Variants in PITPNA observed in about 807,000 individuals in gnomAD.
PITPNA encodes phosphatidylinositol transfer protein alpha isoform.
Under a neutral mutation model 50.3 loss-of-function variants are expected in PITPNA, and 13 were observed. The observed-to-expected ratio is 0.26, with a 90% confidence interval of 0.17 to 0.41. The LOEUF (loss-of-function observed/expected upper bound fraction) is 0.41, where lower values mean the gene tolerates loss of function less well. PITPNA is among the 10% of genes least tolerant of loss of function. The pLI is 1.00. For synonymous variants in PITPNA, 120 were observed against 119.6 expected (o/e 1.00, Z -0.02); for missense variants, 207 against 333.4 (o/e 0.62, Z 2.95).
intron 11 of PITPNA, 139 bp downstream of exon 11, chr17:1,521,440 G>A (rs1010140050): frequency 1.5e-6 from 1 of 664,550 alleles, no homozygotes. Flanking sequence ...TGGAAGTGGA[G>A]AGCTATCGAG....
At chr17:1,541,924 G>A (rs1221577684) in intron 5 of PITPNA, among the ~76,000 whole-genome samples, 1 of 152,126 alleles carries the variant, frequency 6.6e-6, no homozygotes, top group Non-Finnish European at 1.5e-5. Flanking sequence ...ATCGGGCCAG[G>A]CATGGTGGCT....
At chr17:1,558,895 C>CT (rs1486996885) in intron 1 of PITPNA, among the ~76,000 whole-genome samples, 2 of 151,584 alleles carry the variant, frequency 1.3e-5, no homozygotes, top group African/African-American at 4.8e-5. Context: ...CCGCCAGCTA[C>CT]TTCCCAGGCC....
At chr17:1,523,451 C>T (rs1598402104) in intron 10 of PITPNA, among the ~76,000 whole-genome samples, 1 of 151,892 alleles carries the variant, frequency 6.6e-6, no homozygotes, top group Admixed American at 6.6e-5. Context: ...AAGTGATCCT[C>T]CTGCCTCAGC....
intron 6 of PITPNA, among the ~76,000 whole-genome samples, chr17:1,539,234 C>T (rs2075635041): frequency 6.6e-6 from 1 of 151,996 alleles, no homozygotes; most frequent in South Asian, 2.1e-4. Flanking sequence ...ATCCTCCTGC[C>T]TCAGGCTCCT....
At position 1,531,397 on chromosome 17, in the gene PITPNA, G is replaced by T. The variant is rs557760553; in HGVS notation, c.768+2702C>A. On this transcript the variant is annotated intron_variant, in intron 10 of 11. Coordinates refer to ENST00000313486, the MANE Select transcript of PITPNA (RefSeq NM_006224.4). ...CCCCCACTGTAACTACCGAGTACAA[G>T]CGGGCGCCTGTAGTCCCAGCTACTG... is the stretch of plus-strand genomic sequence containing the variant. 3.3e-5 allele frequency among the ~76,000 whole-genome samples: 5 copies of T among 152,272 alleles called. No homozygotes were observed. In the South Asian group the frequency reaches 1.0e-3, roughly 32 times the overall value.
intron 6 of PITPNA, among the ~76,000 whole-genome samples, 184 bp from the exon 7 acceptor site, chr17:1,539,136 G>C (rs2075634402): frequency 1.3e-5 from 2 of 151,734 alleles, no homozygotes; most frequent in South Asian, 4.1e-4. Flanking sequence ...TTTTTTTTAA[G>C]AGATGGGGTC....
rs192557246 is a variant in PITPNA, at chr17:1,541,925, C to T, written c.298-285G>A. On this transcript the variant is annotated intron_variant, in intron 5 of 11. Transcript: ENST00000313486. Reference sequence around the variant, plus strand: ...CCAAAGTCACAGAGATCGGGCCAGGCATGGTGGCTCACGCCTGTCATCTCA... The same window carrying T: ...CCAAAGTCACAGAGATCGGGCCAGGTATGGTGGCTCACGCCTGTCATCTCA... Among the ~76,000 whole-genome samples the T allele has an allele frequency of 7.7e-4, 117 of 152,192 alleles. 2 individuals carry two copies. The highest frequency in any genetic ancestry group is 6.3e-3 in the Admixed American group (97 of 15,276).
chr17:1,522,071 C>CTTTTTTTTTTT (rs1555530261), intron 10 of PITPNA, among the ~76,000 whole-genome samples: 1,836 of 141,266 alleles, frequency 0.013, 98 homozygotes, highest in African/African-American at 0.047. Context: ...TATGAAACAT[C>CTTTTTTTTTTT]TTTTTTTTTT....
chr17:1,535,573 T>C lies in PITPNA; in HGVS notation c.457-55A>G, dbSNP rs570569372. The C allele has an allele frequency of 8.5e-5, 90 of 1,060,256 alleles. No homozygotes were observed. In the South Asian group the frequency reaches 1.0e-3, roughly 12 times the overall value. The allele number at this position is 1,060,256 out of a possible 1,614,324, so 65.7% of individuals were successfully genotyped here. On this transcript the variant is annotated intron_variant, in intron 7 of 11. Coordinates refer to ENST00000313486, the MANE Select transcript of PITPNA (RefSeq NM_006224.4). ...GGGGAGTGGGAGAGGGAGTGAGAGA[T>C]GGGGAGAACAGATCTTTCATTAGCA...
rs1393108707 is a variant in PITPNA at position 1,519,657 on chromosome 17, G to A, written c.*904C>T. The A allele has an allele frequency of 1.3e-5, 2 of 152,740 alleles. No individual in the cohort carries two copies. The highest frequency in any genetic ancestry group is 2.9e-5 in the Non-Finnish European group (2 of 68,106). The allele number at this position is 152,740 out of a possible 1,614,324, so 9.5% of individuals were successfully genotyped here. On this transcript the variant is annotated 3_prime_UTR_variant, in exon 12 of 12. Coordinates refer to ENST00000313486, the MANE Select transcript of PITPNA (RefSeq NM_006224.4). ...GACCTAAGAAAGCACAGAGAAAAGA[G>A]GATTATTGCTGAGTGGCAGCACCAG...
chr17:1,561,290 C>G (rs2075766689), intron 1 of PITPNA: 1 of 152,200 alleles, frequency 6.6e-6, no homozygotes, highest in Admixed American at 6.5e-5. Flanking sequence ...CCCTGGATTT[C>G]AGGAGCAAAC....
At chr17:1,550,973 G>C (rs1363535599) in intron 3 of PITPNA, among the ~76,000 whole-genome samples, 1 of 152,112 alleles carries the variant, frequency 6.6e-6, no homozygotes, top group Non-Finnish European at 1.5e-5. Context: ...GAGTCAGCAG[G>C]ACCTGATGGG....
At chr17:1,558,743 T>C (rs2075752266) in intron 1 of PITPNA, among the ~76,000 whole-genome samples, 184 bp from the exon 2 acceptor site, 1 of 121,708 alleles carries the variant, frequency 8.2e-6, no homozygotes, top group Non-Finnish European at 1.7e-5. Flanking sequence ...GCCCTAGAGG[T>C]GTAAGACACT....
chr17:1,549,019 C>T (rs996670737), intron 3 of PITPNA, among the ~76,000 whole-genome samples: 2 of 152,112 alleles, frequency 1.3e-5, no homozygotes, highest in African/African-American at 2.4e-5. Flanking sequence ...GCGATTCTCC[C>T]GCCTCAGCCT....
intron 4 of PITPNA, among the ~76,000 whole-genome samples, chr17:1,545,905 A>G (rs2075671442): frequency 7.2e-6 from 1 of 139,326 alleles, no homozygotes; most frequent in South Asian, 2.3e-4. Context: ...ACCCAGCCAC[A>G]CTGCATACTG....
chr17:1,529,289 G>A (rs1206118193), intron 10 of PITPNA, among the ~76,000 whole-genome samples: 3 of 152,054 alleles, frequency 2.0e-5, no homozygotes, highest in Non-Finnish European at 2.9e-5. Context: ...TTGGGAGGCC[G>A]AGGCAGGTGC....
At chr17:1,523,382 G>A (rs2075526485) in intron 10 of PITPNA, among the ~76,000 whole-genome samples, 1 of 152,092 alleles carries the variant, frequency 6.6e-6, no homozygotes, top group Non-Finnish European at 1.5e-5. Context: ...TGGCTCTGTT[G>A]CCCAGGATGG....
chr17:1,541,136 C>A (rs1344982491), intron 6 of PITPNA, among the ~76,000 whole-genome samples: 1 of 152,098 alleles, frequency 6.6e-6, no homozygotes, highest in Non-Finnish European at 1.5e-5. Flanking sequence ...TGTTTTTGAT[C>A]TTTGGCTACA....
chr17:1,519,536 A>G lies in PITPNA; in HGVS notation c.*1025T>C, dbSNP rs1348317593. 2.0e-5 allele frequency: 3 copies of G among 152,654 alleles called. No individual in the cohort carries two copies. The East Asian group carries it at 5.8e-4, about 29-fold the overall frequency. 9.5% of individuals were successfully genotyped at this position (152,654 alleles called of 1,614,324 possible). On this transcript the variant is annotated 3_prime_UTR_variant, in exon 12 of 12. Coordinates refer to ENST00000313486, the MANE Select transcript of PITPNA (RefSeq NM_006224.4). ...TTCCGGCAACTGGAGACGAGGGAAC[A>G]TGTTCTGCTGGAAAAAGCTTTTTGC...
Sources: gnomAD v4.1 joint callset for allele counts (sites outside exome capture counted in the v4.1 genomes callset) on GRCh38, gnomAD v4.1.1 for gene constraint, MANE v1.5 for transcripts, NCBI Gene and HGNC (gene_info 2026-07-23, HGNC 2026-07-21) for gene names.